PCNX2: variants seen among roughly 807,000 people sequenced by gnomAD.
The protein encoded by PCNX2 is pecanex 2, also known as pecanex-like protein 2.
Under a neutral mutation model 223.8 loss-of-function variants are expected in PCNX2, and 168 were observed. That is an observed-to-expected ratio of 0.75 (90% CI 0.66 to 0.85). PCNX2 has a LOEUF of 0.85. Ranked by LOEUF, PCNX2 falls within the 40% of genes least tolerant of loss-of-function variation. PCNX2 has a pLI of 0.00. For missense variants in PCNX2, 2,507 were observed against 2,675.5 expected (o/e 0.94, Z 1.39); for synonymous variants, 1,006 against 1,052.6 (o/e 0.96, Z 0.86).
At chr1:233,103,365 A>T (rs1674598738) in intron 21 of PCNX2, among the ~76,000 whole-genome samples, 1 of 152,060 alleles carries the variant, frequency 6.6e-6, no homozygotes, top group African/African-American at 2.4e-5. Flanking sequence ...ATCAAACACA[A>T]GGTATTATTC....
At chr1:233,028,196 A>T (rs1671149796) in intron 25 of PCNX2, among the ~76,000 whole-genome samples, 1 of 152,214 alleles carries the variant, frequency 6.6e-6, no homozygotes, top group African/African-American at 2.4e-5. Flanking sequence ...TCTTGAAAAC[A>T]TCTGTATTCT....
intron 19 of PCNX2, among the ~76,000 whole-genome samples, chr1:233,147,704 C>T (rs984627859): frequency 6.6e-6 from 1 of 152,196 alleles, no homozygotes; most frequent in Non-Finnish European, 1.5e-5. Flanking sequence ...TTTAGGAAGA[C>T]TTGGACTGTA....
the PCNX2 span, among the ~76,000 whole-genome samples, chr1:233,315,516 A>G: frequency 6.6e-6 from 1 of 152,212 alleles, no homozygotes; most frequent in African/African-American, 2.4e-5. Flanking sequence ...AGAATTGAAT[A>G]AAATCTCAAG....
intron 12 of PCNX2, chr1:233,211,793 A>C (rs943782390): frequency 1.0e-6 from 1 of 985,384 alleles, no homozygotes; most frequent in African/African-American, 1.7e-5. Flanking sequence ...CCACTCTTTA[A>C]ACACAGAATG....
chr1:233,198,429 C>T (rs1680861453), intron 15 of PCNX2, among the ~76,000 whole-genome samples: 1 of 152,194 alleles, frequency 6.6e-6, no homozygotes, highest in South Asian at 2.1e-4. Context: ...TCGTGTTTAT[C>T]TTGTTTTCTC....
At chr1:232,985,842 G>C in intron 33 of PCNX2, 1 of 606,570 alleles carries the variant, frequency 1.6e-6, no homozygotes. Flanking sequence ...CTCTGTATCC[G>C]GTGACTCCTT....
At chr1:233,173,559 G>C (rs1031923844) in intron 17 of PCNX2, among the ~76,000 whole-genome samples, 1 of 152,136 alleles carries the variant, frequency 6.6e-6, no homozygotes. Flanking sequence ...TTCTTCTAAA[G>C]GAACCTTAGA....
At chr1:233,112,824 G>T in intron 21 of PCNX2, 1 of 1,263,248 alleles carries the variant, frequency 7.9e-7, no homozygotes. Context: ...TCCCAAATGG[G>T]GAGAAAAAGC....
chr1:233,211,279 G>A (rs961063078), intron 12 of PCNX2, among the ~76,000 whole-genome samples: 2 of 151,940 alleles, frequency 1.3e-5, no homozygotes, highest in Non-Finnish European at 2.9e-5. Context: ...GGACAGAAGA[G>A]AGCCCCTGAC....
In PCNX2 at chr1:233,295,471, G is replaced by A. The variant is rs1468360011; in HGVS notation, c.8C>T (p.Ser3Phe). The A allele has an allele frequency of 1.3e-6, 2 of 1,548,662 alleles. 1 individual carries two copies. Among genetic ancestry groups the A allele is most frequent in the South Asian group, 2.4e-5 (2 of 83,924 alleles). Reference protein sequence around the residue: MVSQVLQLLRQGV... With the variant: MVFQVLQLLRQGV... ...CTGCCGGAGCAGCTGCAGCACCTGG[G>A]ACACCATGCCGGCTGCGCCCCGGGG... Residue 3 changes from serine (S) to phenylalanine (F), a missense_variant, in exon 1 of 34, where the codon TCC becomes TTC. Around this residue, in one of 3 missense-constraint regions of PCNX2, gnomAD observed 1,031 missense variants for 1,021.7 expected, o/e 1.01. Coordinates refer to ENST00000258229, the MANE Select transcript of PCNX2 (RefSeq NM_014801.4). This position sits in a 1 kb window ranked among gnomAD's most constrained non-coding sequence, Gnocchi z 4.1.
rs879680308 is a variant in PCNX2 at position 233,295,229 on chromosome 1, A to T, written c.153+97T>A. The stretch of plus-strand genomic sequence containing the variant: ...TTCCGTCTCTTAAGAATCTCTACGA[A>T]CCCGAAAGCCCGTGAGGCTGATGGC... On this transcript the variant is annotated intron_variant, in intron 1 of 33. Coordinates refer to ENST00000258229, the MANE Select transcript of PCNX2 (RefSeq NM_014801.4). The surrounding 1 kb of genome is among the most constrained non-coding windows in gnomAD (Gnocchi z 4.1). 14 of 1,510,020 alleles carry T rather than the reference A, an allele frequency of 9.3e-6. No individual in the cohort carries two copies. The highest frequency in any genetic ancestry group is 1.3e-5 in the Non-Finnish European group (14 of 1,113,434). 93.5% of individuals were successfully genotyped at this position (1,510,020 alleles called of 1,614,324 possible).
At position 233,217,898 on chromosome 1, in the gene PCNX2, C is replaced by G; in HGVS notation, c.2691+1G>C. ...CTACTTGCCTGTATTTGGAAACTTA[C>G]GTGTATTGGTGAGGCGGGGTCAGGC... On this transcript the variant is annotated splice_donor_variant, in intron 12 of 33. Coordinates refer to ENST00000258229, the MANE Select transcript of PCNX2 (RefSeq NM_014801.4). LOFTEE classifies it high-confidence loss of function. 1 of 1,613,868 alleles carries G rather than the reference C, an allele frequency of 6.2e-7. No homozygotes were observed. Among genetic ancestry groups the G allele is most frequent in the Non-Finnish European group, 8.5e-7 (1 of 1,179,838 alleles).
intron 25 of PCNX2, among the ~76,000 whole-genome samples, chr1:233,050,432 A>C (rs755684111): frequency 1.1e-4 from 17 of 152,120 alleles, no homozygotes; most frequent in Admixed American, 3.3e-4. Context: ...TTCAAACTAT[A>C]CTCTAAGCCT....
chr1:233,151,996 C>T (rs1355842297), intron 19 of PCNX2, among the ~76,000 whole-genome samples: 4 of 152,168 alleles, frequency 2.6e-5, no homozygotes, highest in Admixed American at 6.5e-5. Context: ...TTTTTCCTCC[C>T]GCTGCAGTGT....
At chr1:233,153,575 G>A (rs569735048) in intron 19 of PCNX2, among the ~76,000 whole-genome samples, 46 of 152,128 alleles carry the variant, frequency 3.0e-4, no homozygotes, top group Non-Finnish European at 6.2e-4. Context: ...GGAGAAGGAG[G>A]AAAGTGAAAA....
At chr1:233,045,170 G>A (rs1671783392) in intron 25 of PCNX2, among the ~76,000 whole-genome samples, 2 of 152,084 alleles carry the variant, frequency 1.3e-5, no homozygotes, top group Non-Finnish European at 1.5e-5. Context: ...TTTCTCCTGG[G>A]TACTCAGCTA....
intron 21 of PCNX2, among the ~76,000 whole-genome samples, chr1:233,118,491 C>CAAAAAA (rs35378781): frequency 1.2e-4 from 11 of 94,394 alleles, no homozygotes; most frequent in East Asian, 6.0e-4. Flanking sequence ...AAGGCACCTA[C>CAAAAAA]AAAAAAAAAA....
intron 1 of PCNX2, among the ~76,000 whole-genome samples, chr1:233,286,760 C>T (rs1194218924): frequency 6.6e-6 from 1 of 151,968 alleles, no homozygotes; most frequent in African/African-American, 2.4e-5. Flanking sequence ...GCTCTGAAAG[C>T]CCAAGGCCCC....
At chr1:233,116,928 A>T (rs896452121) in intron 21 of PCNX2, among the ~76,000 whole-genome samples, 1 of 152,172 alleles carries the variant, frequency 6.6e-6, no homozygotes, top group African/African-American at 2.4e-5. Flanking sequence ...CAAATTAATA[A>T]TATCAGGAGT....
Sources: allele counts gnomAD v4.1 joint callset (sites outside exome capture counted in the v4.1 genomes callset), GRCh38; gene constraint gnomAD v4.1.1; regional missense constraint gnomAD v4.1.1; non-coding constraint Gnocchi (gnomAD v3.1); transcripts MANE v1.5; gene names NCBI Gene and HGNC (gene_info 2026-07-23, HGNC 2026-07-21).